ITPK1: variants seen among roughly 807,000 people sequenced by gnomAD.
ITPK1 encodes inositol 1,3,4-trisphosphate 5/6-kinase.
Under a neutral mutation model 45.3 loss-of-function variants are expected in ITPK1, and 21 were observed. The ratio of observed to expected loss-of-function variants is 0.46; its 90% confidence interval spans 0.33 to 0.67. The LOEUF (loss-of-function observed/expected upper bound fraction) is 0.67. ITPK1 is among the 30% of genes least tolerant of loss of function. The pLI is 0.02. For synonymous variants in ITPK1, 258 were observed against 253.6 expected (o/e 1.02, Z -0.16); for missense variants, 474 against 573.5 (o/e 0.83, Z 1.77).
intron 3 of ITPK1, among the ~76,000 whole-genome samples, chr14:93,041,226 TGCCCG>T (rs1889549989): frequency 1.3e-5 from 2 of 152,334 alleles, no homozygotes; most frequent in South Asian, 4.1e-4. Flanking sequence ...AGGCTTCCAC[TGCCCG>T]GCCAGGATCT....
At chr14:92,984,195 G>C (rs1017015189) in intron 5 of ITPK1, among the ~76,000 whole-genome samples, 1 of 152,154 alleles carries the variant, frequency 6.6e-6, no homozygotes, top group Admixed American at 6.5e-5. Flanking sequence ...AAACAGATTC[G>C]AGAAGCACCA....
chr14:92,939,820 T>A lies in ITPK1; in HGVS notation c.*1741A>T, dbSNP rs1318312870. The A allele has an allele frequency of 6.1e-6, 6 of 985,780 alleles. No individual in the cohort carries two copies. The African/African-American group carries it at 1.0e-4, about 17-fold the overall frequency. 61.1% of individuals were successfully genotyped at this position (985,780 alleles called of 1,614,324 possible). ...AAACGTCTTTTAAGGACTGGGAGTA[T>A]GACATAACAAACTTGAGCAACATGT... On this transcript the variant is annotated 3_prime_UTR_variant, in exon 11 of 11. Coordinates refer to ENST00000267615, the MANE Select transcript of ITPK1 (RefSeq NM_014216.6).
chr14:92,978,227 G>A (rs1886045478), intron 5 of ITPK1, among the ~76,000 whole-genome samples: 1 of 151,986 alleles, frequency 6.6e-6, no homozygotes, highest in East Asian at 1.9e-4. Flanking sequence ...AGGGTATCTG[G>A]TGGAAGAAAT....
intron 2 of ITPK1, among the ~76,000 whole-genome samples, chr14:93,108,080 C>T (rs187928825): frequency 1.3e-5 from 2 of 152,268 alleles, no homozygotes; most frequent in Admixed American, 6.5e-5. Flanking sequence ...GGCCAGTTCT[C>T]GGGAGTCCCA....
intron 8 of ITPK1, among the ~76,000 whole-genome samples, chr14:92,953,928 C>G (rs779288675): frequency 1.4e-4 from 21 of 152,218 alleles, no homozygotes; most frequent in Non-Finnish European, 2.4e-4. Context: ...GAGTCTCACT[C>G]TGTTGCCCAG....
At chr14:93,114,612 G>A (rs1257101116) in intron 2 of ITPK1, among the ~76,000 whole-genome samples, 1 of 152,200 alleles carries the variant, frequency 6.6e-6, no homozygotes, top group Non-Finnish European at 1.5e-5. Context: ...AGCCTCAAGA[G>A]CCGAGCACAC....
At chr14:93,064,733 C>G (rs1471525878) in intron 3 of ITPK1, among the ~76,000 whole-genome samples, 1 of 152,206 alleles carries the variant, frequency 6.6e-6, no homozygotes, top group East Asian at 1.9e-4. Context: ...GAAAGGAGAA[C>G]TAGACACCAG....
intron 3 of ITPK1, among the ~76,000 whole-genome samples, chr14:93,044,200 C>T (rs113631557): frequency 0.063 from 9,533 of 152,180 alleles, 729 homozygotes; most frequent in African/African-American, 0.18. Flanking sequence ...TGTGGGACAA[C>T]AGAGAATGGT....
intron 4 of ITPK1, among the ~76,000 whole-genome samples, chr14:92,995,111 C>A (rs1331335251): frequency 6.7e-6 from 1 of 148,754 alleles, no homozygotes; most frequent in African/African-American, 2.6e-5. Flanking sequence ...GCCCTCAGGG[C>A]CTCCGGAGGG....
chr14:92,940,155 G>A lies in ITPK1; in HGVS notation c.*1406C>T. On this transcript the variant is annotated 3_prime_UTR_variant, in exon 11 of 11. Transcript: ENST00000267615. ...CGAAGGACCTCCATGCACTGGCTCG[G>A]GGGCCTCTCTCGGGACACTCAGCAC... 5.1e-6 allele frequency: 5 copies of A among 985,754 alleles called. No individual in the cohort carries two copies. Among genetic ancestry groups the A allele is most frequent in the Non-Finnish European group, 6.0e-6 (5 of 830,084 alleles). The allele number at this position is 985,754 out of a possible 1,614,324, so 61.1% of individuals were successfully genotyped here.
chr14:92,952,299 C>T (rs1377116925), intron 8 of ITPK1, among the ~76,000 whole-genome samples: 1 of 152,184 alleles, frequency 6.6e-6, no homozygotes, highest in Non-Finnish European at 1.5e-5. Context: ...GCCCTGTTCC[C>T]AAAGTGTGCT....
At chr14:93,013,083 C>T (rs1028736155) in intron 4 of ITPK1, among the ~76,000 whole-genome samples, 7 of 152,214 alleles carry the variant, frequency 4.6e-5, no homozygotes, top group African/African-American at 1.7e-4. Context: ...CAGGGACCCT[C>T]TCGGCATGCC....
intron 2 of ITPK1, among the ~76,000 whole-genome samples, chr14:93,091,919 G>A (rs1004845897): frequency 6.6e-6 from 1 of 152,180 alleles, no homozygotes; most frequent in Non-Finnish European, 1.5e-5. Context: ...GGGTGCACTC[G>A]GACCTCAGCT....
chr14:93,115,234 G>T lies in ITPK1; in HGVS notation c.-71C>A. On this transcript the variant is annotated 5_prime_UTR_variant, in exon 2 of 11. Transcript: ENST00000267615. ...AGGCCGAGTCTGGCGGCCGGCGCGC[G>T]CCGCGAGCGAGTGGGCACCTCCTCC... is the stretch of plus-strand genomic sequence containing the variant. 1.8e-6 allele frequency: 2 copies of T among 1,139,910 alleles called. No individual in the cohort carries two copies. Among genetic ancestry groups the T allele is most frequent in the South Asian group, 1.3e-5 (1 of 76,418 alleles). 70.6% of individuals were successfully genotyped at this position (1,139,910 alleles called of 1,614,324 possible). A position where few individuals can be genotyped will look rare whatever the true frequency, so the allele number is the denominator to read the frequency against.
chr14:93,108,019 C>A (rs1326656371), intron 2 of ITPK1, among the ~76,000 whole-genome samples: 1 of 152,194 alleles, frequency 6.6e-6, no homozygotes, highest in East Asian at 1.9e-4. Context: ...GGGGAGCACT[C>A]GGCTTGGAGC....
At chr14:93,047,224 G>A (rs181836799) in intron 3 of ITPK1, among the ~76,000 whole-genome samples, 51 of 152,280 alleles carry the variant, frequency 3.3e-4, no homozygotes, top group African/African-American at 1.2e-3. Flanking sequence ...TTTAAGCCAC[G>A]TAACTCCAGG....
chr14:93,093,508 C>G (rs1463527995), intron 2 of ITPK1, among the ~76,000 whole-genome samples: 1 of 152,214 alleles, frequency 6.6e-6, no homozygotes, highest in Non-Finnish European at 1.5e-5. Flanking sequence ...TTCTTCCCCC[C>G]TCAGCCCTGC....
intron 2 of ITPK1, among the ~76,000 whole-genome samples, chr14:93,087,147 C>G (rs536316960): frequency 1.3e-5 from 2 of 152,244 alleles, no homozygotes; most frequent in Non-Finnish European, 2.9e-5. Context: ...AGGTCAGAGG[C>G]AGGCTTCCTT....
chr14:93,074,451 C>A (rs1479172188), intron 3 of ITPK1, among the ~76,000 whole-genome samples: 1 of 152,230 alleles, frequency 6.6e-6, no homozygotes, highest in Non-Finnish European at 1.5e-5. Flanking sequence ...ATCCTCTCCT[C>A]GAGCGGTGGG....
Sources: gnomAD v4.1 joint callset for allele counts (sites outside exome capture counted in the v4.1 genomes callset) on GRCh38, gnomAD v4.1.1 for gene constraint, MANE v1.5 for transcripts, NCBI Gene and HGNC (gene_info 2026-07-23, HGNC 2026-07-21) for gene names.